The following MED14 variants were observed in gnomAD, a reference collection of about 807,000 sequenced individuals.
MED14 encodes mediator of RNA polymerase II transcription subunit 14.
Under a neutral mutation model 109.0 loss-of-function variants are expected in MED14, and 8 were observed. That is an observed-to-expected ratio of 0.07 (90% CI 0.04 to 0.13). The LOEUF (loss-of-function observed/expected upper bound fraction) is 0.13, where lower values mean the gene tolerates loss of function less well. MED14 is among the 10% of genes least tolerant of loss of function. MED14 has a pLI of 1.00. For synonymous variants in MED14, 399 were observed against 408.7 expected (o/e 0.98, Z 0.29); for missense variants, 711 against 1,142.4 (o/e 0.62, Z 5.44).
chrX:40,693,048 A>C (rs1930591518), intron 13 of MED14, 146 bp from the exon 14 acceptor site: 1 of 444,270 alleles, frequency 2.3e-6, no homozygotes, highest in Non-Finnish European at 3.5e-6. Context: ...TATCAAAAAA[A>C]AGCATTCCTA....
chrX:40,709,487 A>G, intron 9 of MED14, 28 bp from the exon 10 acceptor site: 2 of 809,202 alleles, frequency 2.5e-6, no homozygotes. Flanking sequence ...ACAAATTCAA[A>G]TGTGCAATTT....
intron 3 of MED14, among the ~76,000 whole-genome samples, chrX:40,720,949 G>A (rs542716784): frequency 9.1e-6 from 1 of 109,781 alleles, no homozygotes; most frequent in African/African-American, 3.3e-5. Context: ...AGGATTCATC[G>A]CCTGCTGAAT....
At chrX:40,657,224 T>C (rs956406270) in intron 28 of MED14, among the ~76,000 whole-genome samples, 1 of 111,649 alleles carries the variant, frequency 9.0e-6, no homozygotes, top group African/African-American at 3.3e-5. Flanking sequence ...ATGCATTGAA[T>C]TGCGCACCTG....
At chrX:40,709,876 T>C in intron 9 of MED14, 103 bp downstream of exon 9, 1 of 507,215 alleles carries the variant, frequency 2.0e-6, no homozygotes, top group South Asian at 4.1e-5. Context: ...TAAAAGGTTT[T>C]AGGAAGAATT....
At chrX:40,660,139 G>GTTTTA (rs1324118402) in intron 26 of MED14, among the ~76,000 whole-genome samples, 1 of 111,482 alleles carries the variant, frequency 9.0e-6, no homozygotes, top group African/African-American at 3.3e-5. Context: ...GTTTTGTTTT[G>GTTTTA]TTTTAAGAGT....
chrX:40,714,052 C>G (rs1470664066), intron 4 of MED14, 145 bp from the exon 5 acceptor site: 1 of 569,079 alleles, frequency 1.8e-6, no homozygotes, highest in African/African-American at 2.4e-5. Context: ...AAAACAATGG[C>G]CATTACTATC....
At chrX:40,690,748 G>A (rs759492990) in intron 15 of MED14, among the ~76,000 whole-genome samples, 6 of 111,702 alleles carry the variant, frequency 5.4e-5, no homozygotes, top group African/African-American at 9.8e-5. Context: ...GTTTTTTACC[G>A]TAACACAGCC....
intron 3 of MED14, among the ~76,000 whole-genome samples, chrX:40,726,280 TAAAC>T (rs1195094725): frequency 2.8e-5 from 3 of 106,713 alleles, no homozygotes; most frequent in Non-Finnish European, 5.8e-5. Context: ...AATTAGTAGA[TAAAC>T]AAACAGAAAA....
At chrX:40,697,374 A>T (rs1470510138) in intron 12 of MED14, among the ~76,000 whole-genome samples, 191 bp from the exon 13 acceptor site, 1 of 112,535 alleles carries the variant, frequency 8.9e-6, no homozygotes, top group Non-Finnish European at 1.9e-5. Flanking sequence ...TTCTAGTTTT[A>T]GTTTAAGAAG....
chrX:40,725,773 C>T (rs1246379074), intron 3 of MED14, among the ~76,000 whole-genome samples: 3 of 111,445 alleles, frequency 2.7e-5, no homozygotes, highest in African/African-American at 6.5e-5. Context: ...ATCTGGAACA[C>T]GACAAGGATG....
At chrX:40,681,785 A>G in intron 19 of MED14, 67 bp downstream of exon 19, 1 of 594,068 alleles carries the variant, frequency 1.7e-6, no homozygotes, top group African/African-American at 2.3e-5. Context: ...GGTAATTTTC[A>G]TGTTTTTTTA....
rs1928747679 is a variant in MED14, at chrX:40,648,581, T to A, written c.*3225A>T. 1 of 112,423 alleles carries A rather than the reference T, an allele frequency of 8.9e-6. No individual in the cohort carries two copies. The highest frequency in any genetic ancestry group is 3.2e-5 in the African/African-American group (1 of 30,893). The allele number at this position is 112,423 out of a possible 1,213,427, so 9.3% of individuals were successfully genotyped here. On this transcript the variant is annotated 3_prime_UTR_variant, in exon 31 of 31. Coordinates refer to ENST00000324817, the MANE Select transcript of MED14 (RefSeq NM_004229.4). ...AAGAGGATATCAATAACCTACCACA[T>A]TGGGTTGTTGTGAGGATTAAATACA... is the stretch of plus-strand genomic sequence containing the variant.
At chrX:40,707,845 TG>T (rs780681101) in intron 10 of MED14, among the ~76,000 whole-genome samples, 59 of 111,705 alleles carry the variant, frequency 5.3e-4, no homozygotes, top group Non-Finnish European at 9.4e-5. Flanking sequence ...AATCAAATTG[TG>T]GTGATAGTTG....
At chrX:40,696,265 G>A (rs964542714) in intron 13 of MED14, among the ~76,000 whole-genome samples, 1 of 108,257 alleles carries the variant, frequency 9.2e-6, no homozygotes, top group Admixed American at 1.0e-4. Flanking sequence ...CTCCCGAGTA[G>A]CTAGGACTAC....
chrX:40,651,499 T>C lies in MED14; in HGVS notation c.*307A>G, dbSNP rs1928873742. On this transcript the variant is annotated 3_prime_UTR_variant, in exon 31 of 31. Coordinates refer to ENST00000324817, the MANE Select transcript of MED14 (RefSeq NM_004229.4). ...CCCAAAACATAAGAAAACAATTAAA[T>C]AAACAAGTTTGGCATTTTCATAACT... 3 of 811,048 alleles carry C rather than the reference T, an allele frequency of 3.7e-6. No homozygotes were observed. Among genetic ancestry groups the C allele is most frequent in the Non-Finnish European group, 4.5e-6 (3 of 672,328 alleles). The allele number at this position is 811,048 out of a possible 1,213,427, so 66.8% of individuals were successfully genotyped here. A position where few individuals can be genotyped will look rare whatever the true frequency, so the allele number is the denominator to read the frequency against.
In MED14 at chrX:40,649,305, CAGTT is replaced by C. The variant is rs756629539; in HGVS notation, c.*2497_*2500del. ...AGTTTATGCTTGCACTTAACTCACTCAGTTAATTTTCAAACATAAGGTTCGACTC... is the reference window on the plus strand; with the variant it reads ...AGTTTATGCTTGCACTTAACTCACTCAATTTTCAAACATAAGGTTCGACTC... On this transcript the variant is annotated 3_prime_UTR_variant, in exon 31 of 31. Transcript: ENST00000324817. 2.9e-4 allele frequency: 40 copies of C among 137,924 alleles called. No individual in the cohort carries two copies. The highest frequency in any genetic ancestry group is 5.1e-4 in the Non-Finnish European group (36 of 70,865). The allele number at this position is 137,924 out of a possible 1,213,427, so 11.4% of individuals were successfully genotyped here.
rs189310806 is a variant in MED14 at position 40,676,698 on chromosome X, C to A, written c.2881-1337G>T. Among the ~76,000 whole-genome samples the A allele has an allele frequency of 1.7e-4, 19 of 111,871 alleles. 1 individual carries two copies. In the East Asian group the frequency reaches 5.3e-3, roughly 31 times the overall value. Reference sequence around the variant, plus strand: ...ATTGGATTATGGGGACAGTTCCCCCCATGCTGTTGTGATAGTGAGTTCTCA... The same window carrying A: ...ATTGGATTATGGGGACAGTTCCCCCAATGCTGTTGTGATAGTGAGTTCTCA... On this transcript the variant is annotated intron_variant, in intron 21 of 30. Transcript: ENST00000324817.
intron 25 of MED14, 44 bp from the exon 26 acceptor site, chrX:40,663,204 T>C: frequency 1.0e-6 from 1 of 963,487 alleles, no homozygotes; most frequent in Non-Finnish European, 1.5e-6. Context: ...AAATACATAC[T>C]ATCTCATTGC....
intron 25 of MED14, 56 bp downstream of exon 25, chrX:40,664,251 G>T: frequency 9.2e-7 from 1 of 1,083,686 alleles, no homozygotes; most frequent in South Asian, 2.1e-5. Flanking sequence ...GATGCAACAA[G>T]ATAGGTCACT....
Sources: allele counts gnomAD v4.1 joint callset (sites outside exome capture counted in the v4.1 genomes callset), GRCh38; gene constraint gnomAD v4.1.1; transcripts MANE v1.5; gene names NCBI Gene and HGNC (gene_info 2026-07-23, HGNC 2026-07-21).